TRPV4: variants seen among roughly 807,000 people sequenced by gnomAD.
The protein encoded by TRPV4 is transient receptor potential cation channel subfamily V member 4, also known as OSM9-like transient receptor potential channel 4.
In TRPV4, 58 loss-of-function variants were observed where a neutral mutation model predicts 84.1. That is an observed-to-expected ratio of 0.69 (90% confidence interval 0.56 to 0.86). TRPV4 has a LOEUF of 0.86. TRPV4 is among the 40% of genes least tolerant of loss of function. The pLI is 0.00. For missense variants in TRPV4, 879 were observed against 1,181.1 expected, an observed-to-expected ratio of 0.74 and a Z score of 3.75; for synonymous variants, 489 against 500.9, an observed-to-expected ratio of 0.98 and a Z score of 0.32.
At position 109,796,437 on chromosome 12, in the gene TRPV4, G is replaced by C; in HGVS notation, c.1332+88C>G. On this transcript the variant is annotated intron_variant, in intron 7 of 15. Coordinates refer to ENST00000261740, the MANE Select transcript of TRPV4 (RefSeq NM_021625.5). This position sits in a 1 kb window ranked among gnomAD's most constrained non-coding sequence, Gnocchi z 4.2. ...ACGTTGGGTCCTAGAGGCTGGGGCT[G>C]TCTCCCCCAGCCCAGCCCCAGGGCC... The C allele has an allele frequency of 6.6e-7, 1 of 1,522,170 alleles. No individual in the cohort carries two copies. Among genetic ancestry groups the C allele is most frequent in the South Asian group, 1.2e-5 (1 of 86,700 alleles). 94.3% of individuals were successfully genotyped at this position (1,522,170 alleles called of 1,614,324 possible).
At chr12:109,800,316 G>A (rs914625956) in intron 5 of TRPV4, among the ~76,000 whole-genome samples, 3 of 152,186 alleles carry the variant, frequency 2.0e-5, no homozygotes, top group African/African-American at 7.2e-5. Flanking sequence ...CTGCCCTCAA[G>A]CGATCCTCCT....
intron 11 of TRPV4, 50 bp from the exon 12 acceptor site, chr12:109,792,479 T>G: frequency 6.2e-7 from 1 of 1,603,722 alleles, no homozygotes. Context: ...ACATGGTTTC[T>G]CACTTTCCCC....
intron 1 of TRPV4, among the ~76,000 whole-genome samples, chr12:109,825,643 C>T (rs902286152): frequency 6.6e-6 from 1 of 152,106 alleles, no homozygotes; most frequent in Admixed American, 6.6e-5. Flanking sequence ...TCTTCTGTCA[C>T]CTTTAGAAGG....
intron 12 of TRPV4, among the ~76,000 whole-genome samples, chr12:109,790,089 G>A (rs902765334): frequency 1.3e-5 from 2 of 152,190 alleles, no homozygotes; most frequent in East Asian, 1.9e-4. Context: ...ACACTGTCTA[G>A]TTTGTCCAGT....
Position 109,788,572 on chromosome 12 carries a change from C to A in TRPV4, c.2036G>T (p.Gly679Val). ...GCTCAGCATCTCCAGGTCGCCCATGCCGATGGTCAGCTTAAACAGGTCCAG... is the reference window on the plus strand; with the variant it reads ...GCTCAGCATCTCCAGGTCGCCCATGACGATGGTCAGCTTAAACAGGTCCAG... The part of the protein sequence containing the change: ...FLLDLFKLTI[G>V]MGDLEMLSST... The change falls in exon 13 of 16, where the codon GGC (glycine) becomes GTC (valine). Residue 679 changes from glycine to valine, a missense_variant. By Grantham distance (109) the Gly-to-Val change is moderately radical. Coordinates refer to ENST00000261740, the MANE Select transcript of TRPV4 (RefSeq NM_021625.5). 6.2e-7 allele frequency: 1 copy of A among 1,614,238 alleles called. No homozygotes were observed. The highest frequency in any genetic ancestry group is 8.5e-7 in the Non-Finnish European group (1 of 1,180,032).
rs758280554 is a variant in TRPV4, at chr12:109,794,355, C to T, written c.1465G>A (p.Ala489Thr). The change falls in exon 8 of 16, where the codon GCC becomes ACC. Residue 489 changes from alanine (A) to threonine (T), a missense_variant. Physicochemically the swap from Ala to Thr is moderately conservative, Grantham distance 58. Around this residue, in one of 4 missense-constraint regions of TRPV4, gnomAD observed 521 missense variants for 686.6 expected, o/e 0.76. Coordinates refer to ENST00000261740, the MANE Select transcript of TRPV4 (RefSeq NM_021625.5). ...GTGCCCTCCAGCGGCTGGTAGTAGG[C>T]GGTGAGAGTGAAGATGACCATGGCA... ...LCAMVIFTLTAYYQPLEGTPP... is the reference protein window; with the variant it reads ...LCAMVIFTLTTYYQPLEGTPP... 47 of 1,612,616 alleles carry T rather than the reference C, an allele frequency of 2.9e-5. No individual in the cohort carries two copies. Among genetic ancestry groups the T allele is most frequent in the East Asian group, 1.1e-4 (5 of 44,872 alleles).
intron 1 of TRPV4, among the ~76,000 whole-genome samples, chr12:109,820,514 CTA>C (rs1360070301): frequency 2.8e-4 from 34 of 123,140 alleles, no homozygotes; most frequent in East Asian, 6.2e-4. Flanking sequence ...TTCAGCTGCC[CTA>C]TTTTTTTTTT....
rs1172185592 is a variant in TRPV4 at position 109,793,711 on chromosome 12, G to A, written c.1585-111C>T. ...AGAGGGAGGCAGAGGCTGGTACAGA[G>A]AAAAGACAAAGGACTCTTTCCTGTT... On this transcript the variant is annotated intron_variant, in intron 9 of 15. Coordinates refer to ENST00000261740, the MANE Select transcript of TRPV4 (RefSeq NM_021625.5). This position sits in a 1 kb window ranked among gnomAD's most constrained non-coding sequence, Gnocchi z 4.0. The A allele has an allele frequency of 2.0e-6, 2 of 995,034 alleles. No individual in the cohort carries two copies. The highest frequency in any genetic ancestry group is 3.2e-6 in the Non-Finnish European group (2 of 633,342). 61.6% of individuals were successfully genotyped at this position (995,034 alleles called of 1,614,324 possible). A position where few individuals can be genotyped will look rare whatever the true frequency, so the allele number is the denominator to read the frequency against.
rs371382943 is a variant in TRPV4, at chr12:109,783,993, G to A, written c.2459-215C>T. 1.4e-4 allele frequency among the ~76,000 whole-genome samples: 22 copies of A among 152,262 alleles called. No homozygotes were observed. Among genetic ancestry groups the A allele is most frequent in the East Asian group, 3.9e-4 (2 of 5,166 alleles). On this transcript the variant is annotated intron_variant, in intron 15 of 15. Coordinates refer to ENST00000261740, the MANE Select transcript of TRPV4 (RefSeq NM_021625.5). The surrounding 1 kb of genome is among the most constrained non-coding windows in gnomAD (Gnocchi z 4.6). Reference sequence around the variant, plus strand: ...CCAGGATTCAAGCCTGGAGCCGAATGCCCTGAGTGCCTGTGTCCTCTCCAG... The same window carrying A: ...CCAGGATTCAAGCCTGGAGCCGAATACCCTGAGTGCCTGTGTCCTCTCCAG...
In TRPV4 at chr12:109,815,085, G is replaced by A. The variant is rs930331593; in HGVS notation, c.-31-258C>T. Among the ~76,000 whole-genome samples the A allele has an allele frequency of 7.9e-5, 12 of 152,202 alleles. No homozygotes were observed. The highest frequency in any genetic ancestry group is 2.7e-4 in the African/African-American group (11 of 41,460). ...CTACCCTGGGCATTAGCTGAAAGAG[G>A]GTGGACTTCAGGGTCAAGCTGGGAC... On this transcript the variant is annotated intron_variant, in intron 1 of 15. Transcript: ENST00000261740. This position sits in a 1 kb window ranked among gnomAD's most constrained non-coding sequence, Gnocchi z 4.1.
chr12:109,826,629 C>T (rs1004606603), intron 1 of TRPV4, among the ~76,000 whole-genome samples: 2 of 152,198 alleles, frequency 1.3e-5, no homozygotes, highest in African/African-American at 4.8e-5. Context: ...TCATTCATCC[C>T]TTTGGGGGCT....
intron 1 of TRPV4, among the ~76,000 whole-genome samples, chr12:109,828,740 T>C (rs1731711352): frequency 6.6e-6 from 1 of 152,192 alleles, no homozygotes; most frequent in South Asian, 2.1e-4. Context: ...AGGACACCAG[T>C]GTCACTCAGA....
intron 4 of TRPV4, among the ~76,000 whole-genome samples, chr12:109,801,536 T>A (rs1706036164): frequency 6.6e-6 from 1 of 152,178 alleles, no homozygotes; most frequent in African/African-American, 2.4e-5. Flanking sequence ...AGTTTCCTGA[T>A]GCCTCCCCAG....
At position 109,794,000 on chromosome 12, in the gene TRPV4, G is replaced by A. The variant is rs375574238; in HGVS notation, c.1514C>T (p.Thr505Met). 3.0e-5 allele frequency: 48 copies of A among 1,609,514 alleles called. No homozygotes were observed. Among genetic ancestry groups the A allele is most frequent in the Non-Finnish European group, 3.7e-5 (44 of 1,178,810 alleles). Residue 505 changes from threonine (T) to methionine (M), a missense_variant, in exon 9 of 16, where the codon ACG becomes ATG. Transcript: ENST00000261740. This position sits in a 1 kb window ranked among gnomAD's most constrained non-coding sequence, Gnocchi z 4.0. The stretch of plus-strand genomic sequence containing the variant: ...GCCAGCCAGCCGCAGGTAGTCCACC[G>A]TGGTGCGGTAAGGGTACGGCGGCTG... ...EGTPPYPYRT[T>M]VDYLRLAGEV... is the part of the protein sequence containing the mutation.
Position 109,803,034 on chromosome 12 carries a change from C to T in TRPV4, c.669G>A (p.Met223Ile), listed in dbSNP as rs766353549. The T allele has an allele frequency of 6.2e-7, 1 of 1,614,192 alleles. No individual in the cohort carries two copies. The change falls in exon 4 of 16, where the codon ATG (methionine) becomes ATA (isoleucine). Residue 223 changes from methionine (M) to isoleucine (I), a missense_variant. By Grantham distance (10) the Met-to-Ile change is conservative. This residue lies in a region of TRPV4 where 521 missense variants were observed against 686.6 expected (regional missense o/e 0.76). Coordinates refer to ENST00000261740, the MANE Select transcript of TRPV4 (RefSeq NM_021625.5). ...GGAAGGGCGAGTTAATGAACTCCCT[C>T]ATGTTGCCGGTGCGCTCCGCGATGT... ...LLDIAERTGNMREFINSPFRD... is the reference protein window; with the variant it reads ...LLDIAERTGNIREFINSPFRD...
chr12:109,815,020 C>A lies in TRPV4; in HGVS notation c.-31-193G>T. On this transcript the variant is annotated intron_variant, in intron 1 of 15. Transcript: ENST00000261740. The surrounding 1 kb of genome is among the most constrained non-coding windows in gnomAD (Gnocchi z 4.1). ...CAGGCGGGAACTGCAACAGGAGCCT[C>A]TTTCACGAACCTGGAAACACAAATT... 2 of 599,980 alleles carry A rather than the reference C, an allele frequency of 3.3e-6. No homozygotes were observed. Among genetic ancestry groups the A allele is most frequent in the Non-Finnish European group, 5.9e-6 (2 of 338,554 alleles). The allele number at this position is 599,980 out of a possible 1,614,324, so 37.2% of individuals were successfully genotyped here.
chr12:109,792,763 G>C lies in TRPV4; in HGVS notation c.1713C>G (p.Ile571Met), dbSNP rs185933892. The C allele has an allele frequency of 2.9e-3, 4,677 of 1,614,044 alleles. 204 individuals are homozygous for C. The Admixed American group carries it at 0.073, about 25-fold the overall frequency. Residue 571 changes from isoleucine (I) to methionine (M), a missense_variant, in exon 11 of 16, where the codon ATC becomes ATG. This residue lies in a region of TRPV4 where 521 missense variants were observed against 686.6 expected (regional missense o/e 0.76). Transcript: ENST00000261740. ...AGACCATCACGGCCAGGTAGGCCTC[G>C]ATCCCTGCCAGGTAGAGGGCTGCTG... is the stretch of plus-strand genomic sequence containing the variant. ...IVSAALYLAGIEAYLAVMVFA... is the reference protein window; with the variant it reads ...IVSAALYLAGMEAYLAVMVFA...
At chr12:109,807,283 A>G (rs1891205998) in intron 3 of TRPV4, among the ~76,000 whole-genome samples, 1 of 152,024 alleles carries the variant, frequency 6.6e-6, no homozygotes, top group Non-Finnish European at 1.5e-5. Flanking sequence ...TCTCAAAAAA[A>G]AAAAAAAAAG....
rs888821664 is a variant in TRPV4 at position 109,798,275 on chromosome 12, T to C, written c.1152+339A>G. Among the ~76,000 whole-genome samples, 1 of 152,146 alleles carries C rather than the reference T, an allele frequency of 6.6e-6. No individual in the cohort carries two copies. The highest frequency in any genetic ancestry group is 1.5e-5 in the Non-Finnish European group (1 of 68,034). On this transcript the variant is annotated intron_variant, in intron 6 of 15. Transcript: ENST00000261740. This position sits in a 1 kb window ranked among gnomAD's most constrained non-coding sequence, Gnocchi z 5.0. The stretch of plus-strand genomic sequence containing the variant: ...GCGCGGCCCAGAAAAGGGAAGGAAC[T>C]GGGGCAGGGCCATTCAACAGGTTTG...
Sources: allele counts gnomAD v4.1 joint callset (sites outside exome capture counted in the v4.1 genomes callset), GRCh38; gene constraint gnomAD v4.1.1; regional missense constraint gnomAD v4.1.1; non-coding constraint Gnocchi (gnomAD v3.1); transcripts MANE v1.5; gene names NCBI Gene and HGNC (gene_info 2026-07-23, HGNC 2026-07-21).